BCL9: variants seen among roughly 807,000 people sequenced by gnomAD.
BCL9 encodes the protein B-cell CLL/lymphoma 9 protein.
A neutral mutation model predicts 88.5 loss-of-function variants in BCL9; 25 were observed. That is an observed-to-expected ratio of 0.28 (90% CI 0.21 to 0.39). BCL9 has a LOEUF of 0.39. BCL9 is among the 10% of genes least tolerant of loss of function. The pLI, the probability that BCL9 is intolerant of heterozygous loss-of-function variation, is 1.00. For synonymous variants in BCL9, 711 were observed against 673.3 expected, an observed-to-expected ratio of 1.06 and a Z score of -0.87; for missense variants, 1,817 against 1,877.8, an observed-to-expected ratio of 0.97 and a Z score of 0.60.
At chr1:147,594,751 A>G (rs1557842508) in intron 1 of BCL9, among the ~76,000 whole-genome samples, 1 of 152,222 alleles carries the variant, frequency 6.6e-6, no homozygotes, top group Non-Finnish European at 1.5e-5. Flanking sequence ...TCAGGGAGGA[A>G]AGGATATTCA....
chr1:147,557,194 G>T (rs1655152468), intron 1 of BCL9, among the ~76,000 whole-genome samples: 1 of 152,142 alleles, frequency 6.6e-6, no homozygotes, highest in African/African-American at 2.4e-5. Context: ...ATTAACCTGG[G>T]TAACTCACTA....
chr1:147,570,587 C>T (rs1031094007), intron 1 of BCL9, among the ~76,000 whole-genome samples: 2 of 151,550 alleles, frequency 1.3e-5, no homozygotes, highest in Non-Finnish European at 2.9e-5. Context: ...TCCCTTTGCC[C>T]CCCATTCCCA....
chr1:147,615,762 G>T (rs1658243849), intron 6 of BCL9, 41 bp from the exon 7 acceptor site: 1 of 1,531,566 alleles, frequency 6.5e-7, no homozygotes, highest in African/African-American at 1.4e-5. Context: ...TAGTGAAATA[G>T]AAACAAGTTC....
intron 1 of BCL9, among the ~76,000 whole-genome samples, chr1:147,543,544 G>T (rs1192941191): frequency 6.6e-6 from 1 of 152,192 alleles, no homozygotes; most frequent in African/African-American, 2.4e-5. Context: ...TTAAAATAAA[G>T]CTGTATTTTA....
intron 1 of BCL9, among the ~76,000 whole-genome samples, chr1:147,569,367 G>A (rs1206159501): frequency 2.6e-5 from 4 of 151,338 alleles, no homozygotes; most frequent in South Asian, 2.1e-4. Context: ...CTATACCCAC[G>A]CCTGTAATCC....
chr1:147,619,188 G>A lies in BCL9; in HGVS notation c.1033G>A (p.Gly345Arg). The A allele has an allele frequency of 6.2e-7, 1 of 1,613,768 alleles. No individual in the cohort carries two copies. Among genetic ancestry groups the A allele is most frequent in the Middle Eastern group, 1.7e-4 (1 of 6,058 alleles). Reference protein sequence around the residue: ...PVSSGEPPTLGENPDGLSQEQ... With the variant: ...PVSSGEPPTLRENPDGLSQEQ... ...GTCCAGTGGCGAGCCCCCCACACTG[G>A]GAGAGAATCCCGATGGCCTATCTCA... is the stretch of plus-strand genomic sequence containing the variant. Residue 345 changes from glycine (G) to arginine (R), a missense_variant, in exon 8 of 10, where the codon GGA becomes AGA. Gly to Arg is a moderately radical substitution (Grantham distance 125). This residue lies in a region of BCL9 where 1,228 missense variants were observed against 1,191.6 expected (regional missense o/e 1.03). Transcript: ENST00000234739. The surrounding 1 kb of genome is among the most constrained non-coding windows in gnomAD (Gnocchi z 4.1).
chr1:147,575,806 A>G (rs1350725657), intron 1 of BCL9, among the ~76,000 whole-genome samples: 1 of 152,212 alleles, frequency 6.6e-6, no homozygotes, highest in Non-Finnish European at 1.5e-5. Flanking sequence ...AATAAGCCCA[A>G]GAGAATTAGA....
chr1:147,599,837 G>C (rs942814205), intron 1 of BCL9, among the ~76,000 whole-genome samples: 6 of 151,810 alleles, frequency 4.0e-5, no homozygotes, highest in African/African-American at 1.5e-4. Context: ...AGCTGGGGGC[G>C]GGAGGAGGCC....
chr1:147,621,937 G>A (rs782461056), intron 8 of BCL9, among the ~76,000 whole-genome samples: 1 of 152,184 alleles, frequency 6.6e-6, no homozygotes, highest in African/African-American at 2.4e-5. Flanking sequence ...ATTGGCAAGG[G>A]AAAGAGATCC....
intron 7 of BCL9, among the ~76,000 whole-genome samples, chr1:147,617,796 A>G (rs1235804277): frequency 1.3e-5 from 2 of 152,204 alleles, no homozygotes; most frequent in African/African-American, 4.8e-5. Context: ...TGAACACGGA[A>G]AAAAGGGTCT....
chr1:147,556,262 G>A (rs1156497787), intron 1 of BCL9, among the ~76,000 whole-genome samples: 1 of 147,138 alleles, frequency 6.8e-6, no homozygotes, highest in Non-Finnish European at 1.5e-5. Flanking sequence ...GGGATTACAG[G>A]AGCCCGCCAC....
intron 1 of BCL9, among the ~76,000 whole-genome samples, chr1:147,567,857 G>A (rs781858705): frequency 9.5e-4 from 144 of 152,256 alleles, no homozygotes; most frequent in Non-Finnish European, 1.7e-3. Flanking sequence ...GGCATTGCTA[G>A]TGACCCAGCA....
At chr1:147,586,788 G>T (rs1340419924) in intron 1 of BCL9, among the ~76,000 whole-genome samples, 1 of 152,080 alleles carries the variant, frequency 6.6e-6, no homozygotes, top group Non-Finnish European at 1.5e-5. Flanking sequence ...TTTTTCTCAT[G>T]CTTTAAGGCC....
rs202197828 is a variant in BCL9 at position 147,620,673 on chromosome 1, G to A, written c.2518G>A (p.Gly840Ser). 1.5e-5 allele frequency: 24 copies of A among 1,614,000 alleles called. No homozygotes were observed. The highest frequency in any genetic ancestry group is 1.7e-4 in the Middle Eastern group (1 of 6,060). The change falls in exon 8 of 10, where the codon GGC becomes AGC. Residue 840 changes from glycine to serine, a missense_variant. Transcript: ENST00000234739. ...CAACACAGCTCCTCCAGTTCAGCGC[G>A]GCCTGGGGCGGAAGCCCTTGGATAT... Reference protein sequence around the residue: ...SLNTAPPVQRGLGRKPLDISV... With the variant: ...SLNTAPPVQRSLGRKPLDISV...
At position 147,624,257 on chromosome 1, in the gene BCL9, C is replaced by G; in HGVS notation, c.3579C>G (p.Cys1193Trp). ...LPQSSADAAL[C>W]KPGGPGGPDS... Reference sequence around the variant, plus strand: ...AAAGTTCAGCAGATGCAGCACTTTGCAAGCCTGGAGGCCCCGGGGGTCCTG... The same window carrying G: ...AAAGTTCAGCAGATGCAGCACTTTGGAAGCCTGGAGGCCCCGGGGGTCCTG... The change falls in exon 10 of 10, where the codon TGC becomes TGG. Residue 1193 changes from cysteine (C) to tryptophan (W), a missense_variant. Transcript: ENST00000234739. The surrounding 1 kb of genome is among the most constrained non-coding windows in gnomAD (Gnocchi z 4.4). The G allele has an allele frequency of 1.9e-6, 3 of 1,614,192 alleles. No homozygotes were observed. Among genetic ancestry groups the G allele is most frequent in the Non-Finnish European group, 2.5e-6 (3 of 1,180,016 alleles).
chr1:147,593,104 G>GTGC (rs1326543806), intron 1 of BCL9, among the ~76,000 whole-genome samples: 1 of 152,108 alleles, frequency 6.6e-6, no homozygotes, highest in Non-Finnish European at 1.5e-5. Context: ...AGCAAGCAAG[G>GTGC]TGCTGTCCCT....
rs1333066563 is a variant in BCL9 at position 147,606,823 on chromosome 1, A to G, written c.-303A>G. On this transcript the variant is annotated 5_prime_UTR_variant, in exon 3 of 10. Coordinates refer to ENST00000234739, the MANE Select transcript of BCL9 (RefSeq NM_004326.4). ...TGAGAAGGGGGTTCCTGGACTCCTC[A>G]CCTCCAGGATGAGCACTGCAGTGTC... The G allele has an allele frequency of 6.6e-6, 1 of 152,360 alleles. No homozygotes were observed. The highest frequency in any genetic ancestry group is 2.4e-5 in the African/African-American group (1 of 41,342). 9.4% of individuals were successfully genotyped at this position (152,360 alleles called of 1,614,324 possible). A position where few individuals can be genotyped will look rare whatever the true frequency, so the allele number is the denominator to read the frequency against.
chr1:147,619,026 A>T lies in BCL9; in HGVS notation c.871A>T (p.Ser291Cys). Residue 291 changes from serine (S) to cysteine (C), a missense_variant, in exon 8 of 10, where the codon AGT (serine) becomes TGT (cysteine). Ser to Cys is a moderately radical substitution (Grantham distance 112, BLOSUM62 -1). Around this residue, in one of 2 missense-constraint regions of BCL9, gnomAD observed 1,228 missense variants for 1,191.6 expected, o/e 1.03. Transcript: ENST00000234739. The surrounding 1 kb of genome is among the most constrained non-coding windows in gnomAD (Gnocchi z 4.1). ...AAACAAACTGATTCCTTCTGTAGGA[A>T]GTCCTGCCAGCTCCACTCCACTGCC... ...VENKLIPSVG[S>C]PASSTPLPPD... 9.3e-6 allele frequency: 15 copies of T among 1,609,912 alleles called. No homozygotes were observed. The highest frequency in any genetic ancestry group is 1.3e-5 in the Non-Finnish European group (15 of 1,177,710).
rs781874389 is a variant in BCL9, at chr1:147,613,061, G to T, written c.232G>T (p.Gly78Cys). 1.2e-6 allele frequency: 2 copies of T among 1,613,338 alleles called. No individual in the cohort carries two copies. The highest frequency in any genetic ancestry group is 2.2e-5 in the South Asian group (2 of 91,034). Residue 78 changes from glycine to cysteine, a missense_variant, in exon 5 of 10, where the codon GGC becomes TGC. Gly to Cys is a radical substitution (Grantham distance 159). Around this residue, in one of 2 missense-constraint regions of BCL9, gnomAD observed 1,228 missense variants for 1,191.6 expected, o/e 1.03. Coordinates refer to ENST00000234739, the MANE Select transcript of BCL9 (RefSeq NM_004326.4). Reference protein sequence around the residue: ...SGGHTPKALPGPGGSMGLKNG... With the variant: ...SGGHTPKALPCPGGSMGLKNG... The stretch of plus-strand genomic sequence containing the variant: ...GGGCCATACCCCTAAAGCACTCCCT[G>T]GCCCAGGTGGGAGCATGGGGCTGAA...
Sources: gnomAD v4.1 joint callset for allele counts (sites outside exome capture counted in the v4.1 genomes callset) on GRCh38, gnomAD v4.1.1 for gene constraint, gnomAD v4.1.1 regional missense constraint, Gnocchi (gnomAD v3.1) non-coding constraint, MANE v1.5 for transcripts, NCBI Gene and HGNC (gene_info 2026-07-23, HGNC 2026-07-21) for gene names.